The following FAM53B variants were observed in gnomAD, a reference collection of about 807,000 sequenced individuals.
FAM53B encodes protein FAM53B.
A neutral mutation model predicts 32.7 loss-of-function variants in FAM53B; 12 were observed. The ratio of observed to expected loss-of-function variants is 0.37; its 90% CI spans 0.24 to 0.59. The LOEUF (loss-of-function observed/expected upper bound fraction) is 0.59, where lower values mean the gene tolerates loss of function less well. Among genes scored for constraint, FAM53B ranks in the 20% least tolerant of loss-of-function variants. The pLI is 0.72. For missense variants in FAM53B, 477 were observed against 577.7 expected, an observed-to-expected ratio of 0.83 and a Z score of 1.79; for synonymous variants, 234 against 228.7, an observed-to-expected ratio of 1.02 and a Z score of -0.21.
At chr10:124,712,304 C>A (rs534041432) in intron 1 of FAM53B, among the ~76,000 whole-genome samples, 1 of 151,852 alleles carries the variant, frequency 6.6e-6, no homozygotes, top group Admixed American at 6.6e-5. Flanking sequence ...TGCAGTGAGC[C>A]GAGATTACAC....
chr10:124,669,280 G>A (rs1025463711), intron 4 of FAM53B, among the ~76,000 whole-genome samples: 1 of 152,224 alleles, frequency 6.6e-6, no homozygotes, highest in Non-Finnish European at 1.5e-5. Context: ...CCAGATCACT[G>A]GGCCCTTCTC....
chr10:124,668,421 G>A (rs1031050256), intron 4 of FAM53B, among the ~76,000 whole-genome samples: 1 of 152,248 alleles, frequency 6.6e-6, no homozygotes, highest in Non-Finnish European at 1.5e-5. Flanking sequence ...GACTGTTCTA[G>A]ATTACAGTGA....
chr10:124,723,521 C>T (rs548710810), intron 1 of FAM53B, among the ~76,000 whole-genome samples: 206 of 152,362 alleles, frequency 1.4e-3, no homozygotes, highest in Non-Finnish European at 2.5e-3. Context: ...TCCTCAGGAA[C>T]CTGAAAACAC....
At chr10:124,737,470 G>A (rs867641895) in intron 1 of FAM53B, among the ~76,000 whole-genome samples, 3 of 152,168 alleles carry the variant, frequency 2.0e-5, no homozygotes, top group South Asian at 2.1e-4. Context: ...GCTGGTCTAC[G>A]CTAAAGCAGG....
Position 124,651,333 on chromosome 10 carries a change from G to A in FAM53B, c.907-27729C>T, listed in dbSNP as rs71488626. Among the ~76,000 whole-genome samples the A allele has an allele frequency of 3.3e-5, 5 of 152,242 alleles. No homozygotes were observed. The highest frequency in any genetic ancestry group is 1.2e-4 in the African/African-American group (5 of 41,462). The stretch of plus-strand genomic sequence containing the variant: ...CTGCACCTTCCCAAAGGTGCAGAAG[G>A]AGGCTGGAGGGGTGCGGCTGAGCAG... On this transcript the variant is annotated intron_variant, in intron 4 of 4. Transcript: ENST00000337318. This position sits in a 1 kb window ranked among gnomAD's most constrained non-coding sequence, Gnocchi z 5.2.
intron 4 of FAM53B, among the ~76,000 whole-genome samples, chr10:124,656,353 T>C (rs759989552): frequency 1.3e-4 from 20 of 152,356 alleles, no homozygotes; most frequent in Middle Eastern, 3.4e-3. Flanking sequence ...CCTGCTGTAG[T>C]GGGAGCGCAG....
intron 4 of FAM53B, among the ~76,000 whole-genome samples, chr10:124,633,363 A>T (rs190292997): frequency 6.6e-6 from 1 of 152,330 alleles, no homozygotes; most frequent in East Asian, 1.9e-4. Flanking sequence ...CCCTAAATTA[A>T]TTCAGAAGTC....
intron 2 of FAM53B, among the ~76,000 whole-genome samples, chr10:124,697,055 G>C (rs1346822466): frequency 6.6e-6 from 1 of 152,094 alleles, no homozygotes; most frequent in Non-Finnish European, 1.5e-5. Context: ...CCTCATGCTA[G>C]GTGATACCCA....
intron 4 of FAM53B, among the ~76,000 whole-genome samples, chr10:124,628,712 G>T (rs528640977): frequency 6.6e-6 from 1 of 152,332 alleles, no homozygotes; most frequent in South Asian, 2.1e-4. Flanking sequence ...AACTACTCTG[G>T]GCTGGGAGAT....
At position 124,729,242 on chromosome 10, in the gene FAM53B, C is replaced by T. The variant is rs573645924; in HGVS notation, c.-175+14771G>A. Reference sequence around the variant, plus strand: ...AGAGCCTAATCTCGAATGATCTCACCCCTCCACTGGCTGAAGAAGGAAGAC... The same window carrying T: ...AGAGCCTAATCTCGAATGATCTCACTCCTCCACTGGCTGAAGAAGGAAGAC... On this transcript the variant is annotated intron_variant, in intron 1 of 4. Coordinates refer to ENST00000337318, the MANE Select transcript of FAM53B (RefSeq NM_014661.4). 1.3e-4 allele frequency among the ~76,000 whole-genome samples: 20 copies of T among 152,318 alleles called. No individual in the cohort carries two copies. In the South Asian group the frequency reaches 4.1e-3, roughly 32 times the overall value.
intron 1 of FAM53B, among the ~76,000 whole-genome samples, chr10:124,718,779 G>A (rs1950051214): frequency 1.3e-5 from 2 of 152,270 alleles, no homozygotes; most frequent in Non-Finnish European, 2.9e-5. Flanking sequence ...CAGGCGCAGT[G>A]GCTCACGCCT....
At chr10:124,624,059 G>A (rs1190867073) in intron 4 of FAM53B, 2 of 163,162 alleles carry the variant, frequency 1.2e-5, no homozygotes, top group Admixed American at 1.2e-4. Flanking sequence ...TGGAAAAGAA[G>A]AGAGTAACCC....
chr10:124,649,029 A>C (rs978816437), intron 4 of FAM53B, among the ~76,000 whole-genome samples: 2 of 152,258 alleles, frequency 1.3e-5, no homozygotes, highest in African/African-American at 4.8e-5. Flanking sequence ...TGCCAAAGGC[A>C]GGCAACAGCA....
intron 4 of FAM53B, among the ~76,000 whole-genome samples, chr10:124,648,623 C>G (rs1453696650): frequency 2.0e-5 from 3 of 152,262 alleles, no homozygotes; most frequent in Non-Finnish European, 4.4e-5. Context: ...CCACCATGCC[C>G]TCACAATGGG....
At chr10:124,675,292 A>T (rs1382442999) in intron 4 of FAM53B, among the ~76,000 whole-genome samples, 4 of 152,160 alleles carry the variant, frequency 2.6e-5, no homozygotes, top group African/African-American at 4.8e-5. Flanking sequence ...GAAGGAAGGG[A>T]AGCAGGGAAG....
chr10:124,674,160 T>C, intron 4 of FAM53B, among the ~76,000 whole-genome samples: 1 of 152,208 alleles, frequency 6.6e-6, no homozygotes, highest in Non-Finnish European at 1.5e-5. Flanking sequence ...ACAACTCAGC[T>C]GCGCCCTCAG....
intron 4 of FAM53B, among the ~76,000 whole-genome samples, chr10:124,661,785 A>G (rs556405513): frequency 2.9e-4 from 44 of 152,296 alleles, no homozygotes; most frequent in Admixed American, 2.6e-3. Flanking sequence ...CAAGTTTCAG[A>G]TTTCAGTAAT....
chr10:124,737,257 A>G (rs1474261522), intron 1 of FAM53B, among the ~76,000 whole-genome samples: 2 of 152,214 alleles, frequency 1.3e-5, no homozygotes, highest in Non-Finnish European at 2.9e-5. Flanking sequence ...CACAGGGGGA[A>G]GAGCCCTTAT....
Position 124,623,012 on chromosome 10 carries a change from G to C in FAM53B, c.*230C>G. Reference sequence around the variant, plus strand: ...GGGCTGCAGTAGTTCTGTGGACCTGGTGGCTGCCACGCTCGGGGAGCCGGT... The same window carrying C: ...GGGCTGCAGTAGTTCTGTGGACCTGCTGGCTGCCACGCTCGGGGAGCCGGT... On this transcript the variant is annotated 3_prime_UTR_variant, in exon 5 of 5. Coordinates refer to ENST00000337318, the MANE Select transcript of FAM53B (RefSeq NM_014661.4). 1.8e-6 allele frequency: 1 copy of C among 546,592 alleles called. No individual in the cohort carries two copies. Among genetic ancestry groups the C allele is most frequent in the Non-Finnish European group, 3.2e-6 (1 of 312,754 alleles). 33.9% of individuals were successfully genotyped at this position (546,592 alleles called of 1,614,324 possible). A position where few individuals can be genotyped will look rare whatever the true frequency, so the allele number is the denominator to read the frequency against.
Sources: gnomAD v4.1 joint callset for allele counts (sites outside exome capture counted in the v4.1 genomes callset) on GRCh38, gnomAD v4.1.1 for gene constraint, Gnocchi (gnomAD v3.1) non-coding constraint, MANE v1.5 for transcripts, NCBI Gene and HGNC (gene_info 2026-07-23, HGNC 2026-07-21) for gene names.